MYOZ1: variants seen among roughly 807,000 people sequenced by gnomAD.
The protein encoded by MYOZ1 is myozenin 1.
Under a neutral mutation model 28.7 loss-of-function variants are expected in MYOZ1, and 20 were observed. The ratio of observed to expected loss-of-function variants is 0.70; its 90% CI spans 0.49 to 1.01. The LOEUF (loss-of-function observed/expected upper bound fraction) is 1.01. Ranked by LOEUF, MYOZ1 falls within the 50% of genes least tolerant of loss-of-function variation. The probability of loss-of-function intolerance (pLI) is 0.00; values close to 1 mark genes in which losing one functional copy is unlikely to be tolerated. For synonymous variants in MYOZ1, 144 were observed against 145.8 expected (o/e 0.99, Z 0.09); for missense variants, 371 against 372.4 (o/e 1.00, Z 0.03).
chr10:73,636,877 T>A (rs1564984431), intron 3 of MYOZ1, among the ~76,000 whole-genome samples: 1 of 152,254 alleles, frequency 6.6e-6, no homozygotes, highest in South Asian at 2.1e-4. Flanking sequence ...TTTATTTTAA[T>A]GTCCCAAATA....
rs1007129007 is a variant in MYOZ1, at chr10:73,632,096, A to C, written c.734T>G (p.Phe245Cys). Reference protein sequence around the residue: ...SKRMTFQMPKFDLGPLLSEPL... With the variant: ...SKRMTFQMPKCDLGPLLSEPL... ...TTCACTCAGCAAGGGCCCCAGGTCA[A>C]ACTTGGGCATCTGGAAGGTCATGCG... Residue 245 changes from phenylalanine (F) to cysteine (C), a missense_variant, in exon 6 of 6, where the codon TTT becomes TGT. Coordinates refer to ENST00000359322, the MANE Select transcript of MYOZ1 (RefSeq NM_021245.4). 3 of 1,614,208 alleles carry C rather than the reference A, an allele frequency of 1.9e-6. No individual in the cohort carries two copies. The highest frequency in any genetic ancestry group is 2.5e-6 in the Non-Finnish European group (3 of 1,180,040).
In MYOZ1 at chr10:73,634,567, C is replaced by G. The variant is rs772712388; in HGVS notation, c.419G>C (p.Gly140Ala). ...CGCGGGACCACCTGTACCCCCAGCT[C>G]CAGACCCAGAGCCCAGATGGTGCTG... is the stretch of plus-strand genomic sequence containing the variant. ...DQQHHLGSGSGAGGTGGPAGQ... is the reference protein window; with the variant it reads ...DQQHHLGSGSAAGGTGGPAGQ... Residue 140 changes from glycine to alanine, a missense_variant, in exon 4 of 6, where the codon GGA (glycine) becomes GCA (alanine). Gly to Ala is a moderately conservative substitution (Grantham distance 60). Transcript: ENST00000359322. 5.6e-6 allele frequency: 9 copies of G among 1,614,012 alleles called. No homozygotes were observed. The African/African-American group carries it at 8.0e-5, about 14-fold the overall frequency.
chr10:73,636,911 G>T (rs1244949199), intron 3 of MYOZ1, among the ~76,000 whole-genome samples: 3 of 151,728 alleles, frequency 2.0e-5, no homozygotes, highest in African/African-American at 7.3e-5. Flanking sequence ...ATTTAAAAAA[G>T]AATTCATTGT....
chr10:73,631,696 C>A lies in MYOZ1; in HGVS notation c.*234G>T, dbSNP rs770175310. 21 of 496,210 alleles carry A rather than the reference C, an allele frequency of 4.2e-5. No individual in the cohort carries two copies. Among genetic ancestry groups the A allele is most frequent in the Non-Finnish European group, 7.3e-5 (20 of 274,174 alleles). 30.7% of individuals were successfully genotyped at this position (496,210 alleles called of 1,614,324 possible). ...TTATTGACTGTTACTGGTGGCAGAG[C>A]AAATTCCATAAACGAGCAGGTTCCA... On this transcript the variant is annotated 3_prime_UTR_variant, in exon 6 of 6. Transcript: ENST00000359322.
At chr10:73,637,187 TA>T (rs2081672600) in intron 3 of MYOZ1, among the ~76,000 whole-genome samples, 2 of 152,056 alleles carry the variant, frequency 1.3e-5, no homozygotes, top group South Asian at 4.2e-4. Flanking sequence ...TAATTTTTTG[TA>T]TTTTTAGTAG....
chr10:73,640,845 T>G (rs2081699577), intron 1 of MYOZ1, among the ~76,000 whole-genome samples: 1 of 152,128 alleles, frequency 6.6e-6, no homozygotes, highest in South Asian at 2.1e-4. Flanking sequence ...GGAGAGGTTG[T>G]TGCTCCTTCA....
intron 2 of MYOZ1, 106 bp downstream of exon 2, chr10:73,639,839 A>G: frequency 1.7e-6 from 2 of 1,145,372 alleles, no homozygotes; most frequent in Non-Finnish European, 2.5e-6. Flanking sequence ...CCTTCCCACC[A>G]CTTAATTTCT....
chr10:73,635,785 G>A (rs2081664090), intron 3 of MYOZ1, among the ~76,000 whole-genome samples: 1 of 152,100 alleles, frequency 6.6e-6, no homozygotes, highest in Non-Finnish European at 1.5e-5. Flanking sequence ...CCAACAGTCA[G>A]AACTCTCTTC....
At chr10:73,634,118 T>C (rs917663438) in intron 4 of MYOZ1, 53 bp from the exon 5 acceptor site, 81 of 1,605,656 alleles carry the variant, frequency 5.0e-5, no homozygotes, top group Non-Finnish European at 6.0e-5. Flanking sequence ...TAGTAGCCAA[T>C]GAAAGGTAAT....
At chr10:73,636,382 C>A (rs954009035) in intron 3 of MYOZ1, among the ~76,000 whole-genome samples, 42 of 152,168 alleles carry the variant, frequency 2.8e-4, no homozygotes, top group Non-Finnish European at 7.3e-5. Context: ...TCAATTAACT[C>A]TTTCTAGGGT....
intron 2 of MYOZ1, 48 bp downstream of exon 2, chr10:73,639,897 G>C (rs1446162805): frequency 6.4e-7 from 1 of 1,561,564 alleles, no homozygotes; most frequent in Non-Finnish European, 8.8e-7. Flanking sequence ...CTTGGTTTAG[G>C]GATGCTCTTA....
Position 73,634,583 on chromosome 10 carries a change from G to T in MYOZ1, c.403C>A (p.Leu135Met). ...CCCCCAGCTCCAGACCCAGAGCCCA[G>T]ATGGTGCTGCTGATCAGAGCCATAC... ...GQYGSDQQHH[L>M]GSGSGAGGTG... The change falls in exon 4 of 6, where the codon CTG (leucine) becomes ATG (methionine). Residue 135 changes from leucine to methionine, a missense_variant. Leu to Met is a conservative substitution (Grantham distance 15). Transcript: ENST00000359322. 2 of 1,614,164 alleles carry T rather than the reference G, an allele frequency of 1.2e-6. No homozygotes were observed. Among genetic ancestry groups the T allele is most frequent in the Non-Finnish European group, 1.7e-6 (2 of 1,180,036 alleles).
intron 3 of MYOZ1, among the ~76,000 whole-genome samples, chr10:73,636,970 A>G (rs1257226292): frequency 3.4e-5 from 5 of 149,136 alleles, no homozygotes; most frequent in Non-Finnish European, 7.4e-5. Flanking sequence ...TAAAATTTCA[A>G]TTTTATTCTT....
intron 1 of MYOZ1, among the ~76,000 whole-genome samples, chr10:73,640,722 G>A (rs537661723): frequency 7.2e-5 from 11 of 152,148 alleles, no homozygotes; most frequent in Non-Finnish European, 1.5e-4. Context: ...TATCAGACTG[G>A]GGCTGTGATT....
intron 3 of MYOZ1, among the ~76,000 whole-genome samples, chr10:73,635,288 A>G (rs920969566): frequency 6.6e-6 from 1 of 151,996 alleles, no homozygotes; most frequent in Non-Finnish European, 1.5e-5. Flanking sequence ...TACCTAGGGT[A>G]AGGGCAGCGT....
rs370996035 is a variant in MYOZ1, at chr10:73,634,692, C to T, written c.294G>A (p.Leu98=). The change falls in exon 4 of 6, where the codon CTG becomes CTA. Residue 98 remains leucine, a synonymous_variant. Transcript: ENST00000359322. ...ATGAGAATCCCTGACCAGCTGTGCC[C>T]AGCTGTCCCCCCACTGTTGGAAGGA... ...QKFLPTVGGQ[L]GTAGQGFSYS... 5 of 1,614,082 alleles carry T rather than the reference C, an allele frequency of 3.1e-6. No individual in the cohort carries two copies. The African/African-American group carries it at 6.7e-5, about 22-fold the overall frequency.
At chr10:73,632,266 T>A in intron 5 of MYOZ1, 105 bp from the exon 6 acceptor site, 1 of 1,055,576 alleles carries the variant, frequency 9.5e-7, no homozygotes, top group Admixed American at 2.3e-5. Context: ...TGAATTCTAG[T>A]TTGGGATTGC....
chr10:73,634,835 G>A, intron 3 of MYOZ1, 102 bp from the exon 4 acceptor site: 1 of 1,402,212 alleles, frequency 7.1e-7, no homozygotes, highest in South Asian at 1.4e-5. Flanking sequence ...CTAACCAGAA[G>A]ACCCTGAATT....
At position 73,639,977 on chromosome 10, in the gene MYOZ1, T is replaced by G; in HGVS notation, c.41A>C (p.Lys14Thr). The part of the protein sequence containing the change: ...SGTPAPNKKR[K>T]SSKLIMELTG... ...GAGTTCCATGATCAGCTTGCTGGAT[T>G]TCCTCTTCTTATTAGGGGCCGGGGT... Residue 14 changes from lysine (K) to threonine (T), a missense_variant, in exon 2 of 6, where the codon AAA (lysine) becomes ACA (threonine). Transcript: ENST00000359322. 6.2e-7 allele frequency: 1 copy of G among 1,613,986 alleles called. No individual in the cohort carries two copies. The highest frequency in any genetic ancestry group is 8.5e-7 in the Non-Finnish European group (1 of 1,179,948).
Sources: allele counts gnomAD v4.1 joint callset (sites outside exome capture counted in the v4.1 genomes callset), GRCh38; gene constraint gnomAD v4.1.1; transcripts MANE v1.5; gene names NCBI Gene and HGNC (gene_info 2026-07-23, HGNC 2026-07-21).